The following CNTNAP5 variants were observed in gnomAD, a reference collection of about 807,000 sequenced individuals.
CNTNAP5 encodes the protein contactin associated protein family member 5, also known as contactin-associated protein-like 5.
A neutral mutation model predicts 150.2 loss-of-function variants in CNTNAP5; 72 were observed. The observed-to-expected ratio is 0.48, with a 90% CI of 0.40 to 0.58. The LOEUF (loss-of-function observed/expected upper bound fraction) is 0.58. Among genes scored for constraint, CNTNAP5 ranks in the 20% least tolerant of loss-of-function variants. CNTNAP5 has a pLI of 0.00. For synonymous variants in CNTNAP5, 672 were observed against 619.8 expected, an observed-to-expected ratio of 1.08 and a Z score of -1.25; for missense variants, 1,636 against 1,626.2, an observed-to-expected ratio of 1.01 and a Z score of -0.10.
chr2:124,165,356 T>C (rs187420528), intron 1 of CNTNAP5, among the ~76,000 whole-genome samples: 22 of 152,320 alleles, frequency 1.4e-4, no homozygotes, highest in Non-Finnish European at 2.6e-4. Context: ...ATTAAAACCA[T>C]GTGTGGAAGC....
In CNTNAP5 at chr2:124,150,258, AT is replaced by A. The variant is rs148943893; in HGVS notation, c.83-71445del. ...AAATTAGTGTGTTAAGTAACTGAGA[AT>A]TGAAATGCAGCAACATATAGTTCCA... On this transcript the variant is annotated intron_variant, in intron 1 of 23. Coordinates refer to ENST00000682447, the MANE Select transcript of CNTNAP5 (RefSeq NM_001367498.1). Among the ~76,000 whole-genome samples the A allele has an allele frequency of 1.3e-3, 197 of 152,246 alleles. 1 individual carries two copies. The highest frequency in any genetic ancestry group is 4.4e-3 in the African/African-American group (184 of 41,556).
chr2:124,246,169 G>A (rs1199041344), intron 3 of CNTNAP5, among the ~76,000 whole-genome samples: 1 of 152,106 alleles, frequency 6.6e-6, no homozygotes, highest in Non-Finnish European at 1.5e-5. Context: ...CTGAGGATGG[G>A]ACAATCCATT....
intron 1 of CNTNAP5, among the ~76,000 whole-genome samples, chr2:124,175,082 C>T (rs1406469053): frequency 1.3e-5 from 2 of 152,112 alleles, no homozygotes; most frequent in Non-Finnish European, 2.9e-5. Context: ...GTGCAAACAA[C>T]TTTTATATGC....
At chr2:124,375,246 C>CAAAG (rs1690616373) in intron 3 of CNTNAP5, among the ~76,000 whole-genome samples, 1 of 149,562 alleles carries the variant, frequency 6.7e-6, no homozygotes, top group African/African-American at 2.5e-5. Context: ...TTATTAATTA[C>CAAAG]AAAGAAAAAA....
intron 1 of CNTNAP5, among the ~76,000 whole-genome samples, chr2:124,084,553 G>A (rs1262340759): frequency 6.6e-6 from 1 of 152,022 alleles, no homozygotes; most frequent in Non-Finnish European, 1.5e-5. Flanking sequence ...ACAAGCCTGA[G>A]CCACCGTGCC....
intron 13 of CNTNAP5, among the ~76,000 whole-genome samples, chr2:124,720,625 G>A (rs1680030006): frequency 6.6e-6 from 1 of 152,184 alleles, no homozygotes; most frequent in East Asian, 1.9e-4. Flanking sequence ...TAGGCATGGA[G>A]TGAGAAAAGG....
chr2:124,897,574 C>T lies in CNTNAP5; in HGVS notation c.3437-5308C>T, dbSNP rs185103069. Among the ~76,000 whole-genome samples the T allele has an allele frequency of 1.3e-3, 203 of 151,568 alleles. 6 individuals are homozygous for T. Among genetic ancestry groups the T allele is most frequent in the African/African-American group, 4.8e-3 (197 of 40,942 alleles). On this transcript the variant is annotated intron_variant, in intron 21 of 23. Coordinates refer to ENST00000682447, the MANE Select transcript of CNTNAP5 (RefSeq NM_001367498.1). ...GTTAGCTCAGATCATACACAGCAGA[C>T]AGGTTGGATGTGTAGCTGGGAGACT...
intron 1 of CNTNAP5, among the ~76,000 whole-genome samples, chr2:124,184,373 CTG>C (rs1685279642): frequency 6.6e-6 from 1 of 152,134 alleles, no homozygotes; most frequent in Non-Finnish European, 1.5e-5. Flanking sequence ...AAGCAGCACG[CTG>C]GTGTATGGTT....
chr2:124,724,016 G>T (rs144296930), intron 13 of CNTNAP5, among the ~76,000 whole-genome samples: 1 of 151,756 alleles, frequency 6.6e-6, no homozygotes, highest in African/African-American at 2.4e-5. Flanking sequence ...GTGATGGCAC[G>T]TGCCTGTAAT....
At position 124,434,578 on chromosome 2, in the gene CNTNAP5, G is replaced by C. The variant is rs1323786418; in HGVS notation, c.624G>C (p.Lys208Asn). 6.2e-7 allele frequency: 1 copy of C among 1,613,858 alleles called. No homozygotes were observed. Among genetic ancestry groups the C allele is most frequent in the African/African-American group, 1.3e-5 (1 of 74,930 alleles). ...CTCTCAAAGATGTGATCTCCCTGAA[G>C]TTCAAGAGCATGCAAGGAGATGGGG... ...MSTLKDVISLKFKSMQGDGVL... is the reference protein window; with the variant it reads ...MSTLKDVISLNFKSMQGDGVL... Residue 208 changes from lysine to asparagine, a missense_variant, in exon 5 of 24, where the codon AAG becomes AAC. Lys to Asn is a moderately conservative substitution (Grantham distance 94). Coordinates refer to ENST00000682447, the MANE Select transcript of CNTNAP5 (RefSeq NM_001367498.1).
rs913208211 is a variant in CNTNAP5 at position 124,128,275 on chromosome 2, A to G, written c.83-93430A>G. 3.3e-5 allele frequency among the ~76,000 whole-genome samples: 5 copies of G among 152,246 alleles called. No individual in the cohort carries two copies. In the East Asian group the frequency reaches 7.7e-4, roughly 23 times the overall value. ...AGGATATGAACAGACACTACCCCAAAGAAGACATTTATGCAGCCAACAGAC... is the reference window on the plus strand; with the variant it reads ...AGGATATGAACAGACACTACCCCAAGGAAGACATTTATGCAGCCAACAGAC... On this transcript the variant is annotated intron_variant, in intron 1 of 23. Coordinates refer to ENST00000682447, the MANE Select transcript of CNTNAP5 (RefSeq NM_001367498.1).
In CNTNAP5 at chr2:124,025,709, A is replaced by C; in HGVS notation, c.59A>C (p.His20Pro). The C allele has an allele frequency of 6.2e-7, 1 of 1,613,682 alleles. No homozygotes were observed. ...VLTLLFSGLW[H>P]LGLTATNYNC... ...ACTTTGCTGTTCTCTGGCTTGTGGC[A>C]TTTAGGATTAACAGCGACAAACTGT... Residue 20 changes from histidine to proline, a missense_variant, in exon 1 of 24, where the codon CAT (histidine) becomes CCT (proline). Physicochemically the swap from His to Pro is moderately conservative, Grantham distance 77. Transcript: ENST00000682447.
chr2:124,406,254 C>G (rs1245649978), intron 3 of CNTNAP5, among the ~76,000 whole-genome samples: 1 of 152,162 alleles, frequency 6.6e-6, no homozygotes, highest in African/African-American at 2.4e-5. Flanking sequence ...AGTGAAGGTA[C>G]TGTGTGGACT....
intron 1 of CNTNAP5, among the ~76,000 whole-genome samples, chr2:124,097,369 C>T (rs1682959916): frequency 6.6e-6 from 1 of 152,158 alleles, no homozygotes; most frequent in Admixed American, 6.5e-5. Flanking sequence ...TCTAATCGTC[C>T]TCTCAACCTC....
intron 1 of CNTNAP5, chr2:124,135,111 G>A (rs1483378793): frequency 6.6e-6 from 1 of 151,668 alleles, no homozygotes; most frequent in Non-Finnish European, 1.5e-5. Flanking sequence ...AAGTAAGAAA[G>A]CCTGGAGAAC....
chr2:124,630,630 A>T (rs112333011), intron 12 of CNTNAP5, among the ~76,000 whole-genome samples: 1,822 of 152,338 alleles, frequency 0.012, 30 homozygotes, highest in African/African-American at 0.041. Flanking sequence ...CTGAATGGAC[A>T]AAAACTGGAA....
intron 3 of CNTNAP5, among the ~76,000 whole-genome samples, chr2:124,362,073 C>T (rs1382143582): frequency 1.3e-5 from 2 of 152,220 alleles, no homozygotes; most frequent in East Asian, 3.9e-4. Flanking sequence ...CCCGATTTTC[C>T]CGGTGCTGTC....
intron 3 of CNTNAP5, among the ~76,000 whole-genome samples, chr2:124,414,711 A>ATG (rs1412574467): frequency 6.7e-6 from 1 of 149,112 alleles, no homozygotes; most frequent in African/African-American, 2.4e-5. Flanking sequence ...AGATGTGTGT[A>ATG]TGTGTGTGTG....
At chr2:124,381,538 C>G (rs933539212) in intron 3 of CNTNAP5, among the ~76,000 whole-genome samples, 1 of 152,022 alleles carries the variant, frequency 6.6e-6, no homozygotes, top group African/African-American at 2.4e-5. Flanking sequence ...GATCACCCCC[C>G]CCTCCAAGAC....
Sources: gnomAD v4.1 joint callset for allele counts (sites outside exome capture counted in the v4.1 genomes callset) on GRCh38, gnomAD v4.1.1 for gene constraint, MANE v1.5 for transcripts, NCBI Gene and HGNC (gene_info 2026-07-23, HGNC 2026-07-21) for gene names.